GUCY1A1: variants seen among roughly 807,000 people sequenced by gnomAD.
GUCY1A1 encodes the protein guanylate cyclase soluble subunit alpha-1.
A neutral mutation model predicts 64.5 loss-of-function variants in GUCY1A1; 48 were observed. The observed-to-expected ratio is 0.74, with a 90% confidence interval of 0.59 to 0.95. The LOEUF is 0.95. Among genes scored for constraint, GUCY1A1 ranks in the 40% least tolerant of loss-of-function variants. The pLI, the probability that GUCY1A1 is intolerant of heterozygous loss-of-function variation, is 0.00. For synonymous variants in GUCY1A1, 308 were observed against 303.4 expected (o/e 1.02, Z -0.16); for missense variants, 804 against 825.3 (o/e 0.97, Z 0.32).
At chr4:155,697,161 T>C in intron 3 of GUCY1A1, 39 bp downstream of exon 3, 1 of 1,518,212 alleles carries the variant, frequency 6.6e-7, no homozygotes, top group Non-Finnish European at 9.0e-7. Context: ...TTGTAATACT[T>C]TGAAATTGTA....
chr4:155,717,212 T>C lies in GUCY1A1; in HGVS notation c.1626T>C (p.Ser542=). Residue 542 remains serine (S), a synonymous_variant, in exon 8 of 10, where the codon AGT becomes AGC. Coordinates refer to ENST00000506455, the MANE Select transcript of GUCY1A1 (RefSeq NM_001130682.3). The stretch of plus-strand genomic sequence containing the variant: ...TAGCTGGGGGATTACACAAAGAGAG[T>C]GATACTCATGCTGTTCAGATAGCGC... ...YCVAGGLHKE[S]DTHAVQIALM... 2 of 1,586,748 alleles carry C rather than the reference T, an allele frequency of 1.3e-6. No homozygotes were observed. The highest frequency in any genetic ancestry group is 1.1e-5 in the South Asian group (1 of 86,984).
rs149589648 is a variant in GUCY1A1, at chr4:155,716,420, T to G, written c.1573-739T>G. Among the ~76,000 whole-genome samples the G allele has an allele frequency of 1.6e-3, 241 of 152,258 alleles. 1 individual carries two copies. Among genetic ancestry groups the G allele is most frequent in the African/African-American group, 5.4e-3 (225 of 41,548 alleles). On this transcript the variant is annotated intron_variant, in intron 7 of 9. Transcript: ENST00000506455. ...TCTGGACTAAAATTAACTATCTGCT[T>G]TTTGCAGCCAGCATCACAGACAGAT...
At chr4:155,706,656 T>G (rs1392265203) in intron 4 of GUCY1A1, among the ~76,000 whole-genome samples, 1 of 149,910 alleles carries the variant, frequency 6.7e-6, no homozygotes, top group African/African-American at 2.4e-5. Context: ...CTCATGCTGG[T>G]GTGTGTGTGT....
chr4:155,722,252 G>T (rs1734062815), intron 9 of GUCY1A1, 60 bp downstream of exon 9: 1 of 1,560,430 alleles, frequency 6.4e-7, no homozygotes. Context: ...ATTGCCATTT[G>T]CCCCACTGAT....
chr4:155,731,485 A>G lies in GUCY1A1; in HGVS notation c.*1254A>G, dbSNP rs1179434005. ...CAGTGACTACATTATGGAAATGTCT[A>G]AGTATTTTTTCCGGAACTTCAACTT... is the stretch of plus-strand genomic sequence containing the variant. On this transcript the variant is annotated 3_prime_UTR_variant, in exon 10 of 10. Transcript: ENST00000506455. 2.0e-5 allele frequency: 3 copies of G among 151,854 alleles called. No homozygotes were observed. The highest frequency in any genetic ancestry group is 7.2e-5 in the African/African-American group (3 of 41,420). The allele number at this position is 151,854 out of a possible 1,614,324, so 9.4% of individuals were successfully genotyped here.
rs1370344407 is a variant in GUCY1A1, at chr4:155,734,963, T to C, written c.*4732T>C. The stretch of plus-strand genomic sequence containing the variant: ...GGAGCCAATTAATCCTTTGTCATCT[T>C]TGTTGAGTTTAGTTTTCTTCTGTTC... On this transcript the variant is annotated 3_prime_UTR_variant, in exon 10 of 10. Coordinates refer to ENST00000506455, the MANE Select transcript of GUCY1A1 (RefSeq NM_001130682.3). 3 of 151,952 alleles carry C rather than the reference T, an allele frequency of 2.0e-5. No homozygotes were observed. The highest frequency in any genetic ancestry group is 2.9e-5 in the Non-Finnish European group (2 of 67,918). The allele number at this position is 151,952 out of a possible 1,614,324, so 9.4% of individuals were successfully genotyped here.
chr4:155,672,241 T>G (rs985927477), intron 2 of GUCY1A1, among the ~76,000 whole-genome samples: 3 of 152,130 alleles, frequency 2.0e-5, no homozygotes, highest in African/African-American at 7.2e-5. Flanking sequence ...AGAATAGCCA[T>G]TTTCACCAAT....
chr4:155,698,687 C>A (rs957042217), intron 3 of GUCY1A1, among the ~76,000 whole-genome samples: 8 of 152,242 alleles, frequency 5.3e-5, no homozygotes, highest in East Asian at 1.9e-4. Context: ...ACAACAACAA[C>A]AAAAAAATTC....
rs768253694 is a variant in GUCY1A1 at position 155,717,197 on chromosome 4, A to T, written c.1611A>T (p.Gly537=). ...GCGATGCCTATTGTGTAGCTGGGGGATTACACAAAGAGAGTGATACTCATG... is the reference window on the plus strand; with the variant it reads ...GCGATGCCTATTGTGTAGCTGGGGGTTTACACAAAGAGAGTGATACTCATG... ...TIGDAYCVAG[G]LHKESDTHAV... is the part of the protein sequence containing the mutation. The change falls in exon 8 of 10, where the codon GGA becomes GGT. Residue 537 remains glycine (G), a synonymous_variant. Transcript: ENST00000506455. 6.4e-7 allele frequency: 1 copy of T among 1,554,088 alleles called. No individual in the cohort carries two copies. The highest frequency in any genetic ancestry group is 8.8e-7 in the Non-Finnish European group (1 of 1,142,698).
At chr4:155,708,319 G>T (rs753207535) in intron 5 of GUCY1A1, 25 bp downstream of exon 5, 2 of 1,288,142 alleles carry the variant, frequency 1.6e-6, no homozygotes, top group South Asian at 1.2e-5. Context: ...TATGTAATTA[G>T]AAAGTATGCC....
At chr4:155,684,085 A>G (rs1008136146) in intron 2 of GUCY1A1, among the ~76,000 whole-genome samples, 6 of 152,204 alleles carry the variant, frequency 3.9e-5, no homozygotes, top group African/African-American at 1.4e-4. Flanking sequence ...CTATTATGCA[A>G]ATGACTCTGT....
In GUCY1A1 at chr4:155,729,967, A is replaced by G. The variant is rs77597525; in HGVS notation, c.1872-63A>G. 219 of 972,112 alleles carry G rather than the reference A, an allele frequency of 2.3e-4. 1 individual carries two copies. The African/African-American group carries it at 3.1e-3, about 14-fold the overall frequency. The allele number at this position is 972,112 out of a possible 1,614,324, so 60.2% of individuals were successfully genotyped here. ...TATTCTCAGTAACATTCAGTTAGTT[A>G]TGTTGTGTTCTTTTTTTGAGTGGAC... is the stretch of plus-strand genomic sequence containing the variant. On this transcript the variant is annotated intron_variant, in intron 9 of 9. Coordinates refer to ENST00000506455, the MANE Select transcript of GUCY1A1 (RefSeq NM_001130682.3).
Position 155,731,822 on chromosome 4 carries a change from GC to G in GUCY1A1, c.*1593del, listed in dbSNP as rs922001370. Reference sequence around the variant, plus strand: ...CATCAGGGATATTCATTACTGATTGGCCTCTAGTATTCCAAGGGTACTACTA... The same window carrying G: ...CATCAGGGATATTCATTACTGATTGGCTCTAGTATTCCAAGGGTACTACTA... On this transcript the variant is annotated 3_prime_UTR_variant, in exon 10 of 10. Coordinates refer to ENST00000506455, the MANE Select transcript of GUCY1A1 (RefSeq NM_001130682.3). 4 of 151,580 alleles carry G rather than the reference GC, an allele frequency of 2.6e-5. No individual in the cohort carries two copies. Among genetic ancestry groups the G allele is most frequent in the African/African-American group, 9.7e-5 (4 of 41,350 alleles). 9.4% of individuals were successfully genotyped at this position (151,580 alleles called of 1,614,324 possible). A position where few individuals can be genotyped will look rare whatever the true frequency, so the allele number is the denominator to read the frequency against.
rs1396746007 is a variant in GUCY1A1 at position 155,722,095 on chromosome 4, C to G, written c.1774C>G (p.Pro592Ala). ...TGCTGGCGTCGTTGGAGTTAAAATG[C>G]CCCGTTACTGTCTTTTTGGAAACAA... ...VFAGVVGVKM[P>A]RYCLFGNNVT... Residue 592 changes from proline to alanine, a missense_variant, in exon 9 of 10, where the codon CCC (proline) becomes GCC (alanine). Coordinates refer to ENST00000506455, the MANE Select transcript of GUCY1A1 (RefSeq NM_001130682.3). The G allele has an allele frequency of 6.2e-7, 1 of 1,613,610 alleles. No homozygotes were observed. Among genetic ancestry groups the G allele is most frequent in the South Asian group, 1.1e-5 (1 of 91,060 alleles).
At chr4:155,681,546 A>C (rs932295537) in intron 2 of GUCY1A1, among the ~76,000 whole-genome samples, 1 of 152,126 alleles carries the variant, frequency 6.6e-6, no homozygotes, top group Non-Finnish European at 1.5e-5. Flanking sequence ...ACATCTTTCT[A>C]ATTTAAAAAT....
intron 2 of GUCY1A1, among the ~76,000 whole-genome samples, chr4:155,670,025 T>C (rs1194331128): frequency 6.6e-6 from 1 of 152,216 alleles, no homozygotes; most frequent in East Asian, 1.9e-4. Flanking sequence ...AAGCAACATT[T>C]CAGTAATACA....
chr4:155,710,098 T>C (rs1732357343), intron 5 of GUCY1A1, among the ~76,000 whole-genome samples: 1 of 152,216 alleles, frequency 6.6e-6, no homozygotes. Flanking sequence ...AAACTGAGTT[T>C]CATGCCAGTA....
chr4:155,717,405 A>T, intron 8 of GUCY1A1, 103 bp downstream of exon 8: 1 of 724,032 alleles, frequency 1.4e-6, no homozygotes, highest in Non-Finnish European at 2.0e-6. Context: ...TGAGAGAGAG[A>T]GAGAAAGCAA....
chr4:155,685,603 G>GT lies in GUCY1A1; in HGVS notation c.-112-11129dup, dbSNP rs70954055. 3.2e-3 allele frequency among the ~76,000 whole-genome samples: 346 copies of GT among 108,644 alleles called. 3 individuals carry two copies. The highest frequency in any genetic ancestry group is 5.4e-3 in the African/African-American group (172 of 31,840). 71.3% of individuals were successfully genotyped at this position (108,644 alleles called of 152,430 possible). A position where few individuals can be genotyped will look rare whatever the true frequency, so the allele number is the denominator to read the frequency against. ...ATGCATCTGTTCTTGTTCTCCTTGT[G>GT]TTTTTTTTTTTTTTTTTTTTTTTTC... On this transcript the variant is annotated intron_variant, in intron 2 of 9. Transcript: ENST00000506455.
Sources: gnomAD v4.1 joint callset for allele counts (sites outside exome capture counted in the v4.1 genomes callset) on GRCh38, gnomAD v4.1.1 for gene constraint, MANE v1.5 for transcripts, NCBI Gene and HGNC (gene_info 2026-07-23, HGNC 2026-07-21) for gene names.